RPL3L: variants seen among roughly 807,000 people sequenced by gnomAD.
The protein encoded by RPL3L is ribosomal protein L3 like.
In RPL3L, 44 loss-of-function variants were observed where a neutral mutation model predicts 44.5. The ratio of observed to expected loss-of-function variants is 0.99; its 90% confidence interval spans 0.78 to 1.27. The LOEUF is 1.27. Among genes scored for constraint, RPL3L ranks in the 50% most tolerant of loss-of-function variants. The pLI, the probability that RPL3L is intolerant of heterozygous loss-of-function variation, is 0.00. For missense variants in RPL3L, 631 were observed against 569.1 expected (o/e 1.11, Z -1.11); for synonymous variants, 292 against 230.7 (o/e 1.27, Z -2.41).
rs767547393 is a variant in RPL3L, at chr16:1,950,834, G to A, written c.501+10C>T. ...AGGGACTGACCGACAGCGGAGGGCC[G>A]GGGGCTGACCTGAGTGTGGACAATG... On this transcript the variant is annotated intron_variant, in intron 4 of 9. Coordinates refer to ENST00000268661, the MANE Select transcript of RPL3L (RefSeq NM_005061.3). The A allele has an allele frequency of 2.2e-5, 36 of 1,613,524 alleles. No individual in the cohort carries two copies. The highest frequency in any genetic ancestry group is 8.8e-5 in the South Asian group (8 of 91,034).
rs372589936 is a variant in RPL3L at position 1,947,298 on chromosome 16, G to A, written c.584C>T (p.Ala195Val). ...CTTCTCCAGCCGGGCCTGGGCCCAG[G>A]CCACCTTCTCGGCCACCGTGCCACC... ...LNGGTVAEKV[A>V]WAQARLEKQV... The change falls in exon 5 of 10, where the codon GCC (alanine) becomes GTC (valine). Residue 195 changes from alanine (A) to valine (V), a missense_variant. Transcript: ENST00000268661. 10 of 1,612,912 alleles carry A rather than the reference G, an allele frequency of 6.2e-6. No individual in the cohort carries two copies. In the South Asian group the frequency reaches 7.7e-5, roughly 12 times the overall value.
chr16:1,952,784 C>G (rs2083179128), intron 3 of RPL3L, 90 bp downstream of exon 3: 6 of 1,473,524 alleles, frequency 4.1e-6, no homozygotes, highest in Non-Finnish European at 5.6e-6. Context: ...CTCACCCACA[C>G]CTATCATTTC....
intron 9 of RPL3L, among the ~76,000 whole-genome samples, 167 bp downstream of exon 9, chr16:1,945,332 G>T (rs1473815279): frequency 3.5e-5 from 5 of 142,446 alleles, no homozygotes; most frequent in East Asian, 4.5e-4. Context: ...TCCAGCCTGG[G>T]TGACAGAGCG....
In RPL3L at chr16:1,945,481, TG is replaced by T. The variant is rs2150860562; in HGVS notation, c.1167+17del. The T allele has an allele frequency of 6.3e-7, 1 of 1,599,268 alleles. No individual in the cohort carries two copies. Among genetic ancestry groups the T allele is most frequent in the Non-Finnish European group, 8.5e-7 (1 of 1,172,382 alleles). Reference sequence around the variant, plus strand: ...CTGGAGCCCCAGAGAAGAACAAGGATGGGGGCGGTGAGCTCACCATGAAGGC... The same window carrying T: ...CTGGAGCCCCAGAGAAGAACAAGGATGGGGCGGTGAGCTCACCATGAAGGC... On this transcript the variant is annotated intron_variant, in intron 9 of 9. Transcript: ENST00000268661.
At chr16:1,951,195 C>A (rs1248576464) in intron 3 of RPL3L, among the ~76,000 whole-genome samples, 1 of 152,178 alleles carries the variant, frequency 6.6e-6, no homozygotes, top group Non-Finnish European at 1.5e-5. Flanking sequence ...AAAGTAGGTA[C>A]CCTCCCTGTT....
intron 9 of RPL3L, 103 bp from the exon 10 acceptor site, chr16:1,944,996 C>CA (rs1031892008): frequency 9.2e-6 from 13 of 1,419,494 alleles, no homozygotes; most frequent in African/African-American, 4.3e-5. Flanking sequence ...CTACTGCCCC[C>CA]CTAAGGCTGC....
rs767009859 is a variant in RPL3L, at chr16:1,945,930, C to T, written c.952G>A (p.Gly318Ser). Residue 318 changes from glycine (G) to serine (S), a missense_variant and splice_region_variant, in exon 8 of 10, where the codon GGT becomes AGT. Coordinates refer to ENST00000268661, the MANE Select transcript of RPL3L (RefSeq NM_005061.3). ...DVTAKSITPLGGFPHYGEVNN... is the reference protein window; with the variant it reads ...DVTAKSITPLSGFPHYGEVNN... ...ACTTCCCCGTAGTGGGGGAAGCCAC[C>T]CTGCAGAGGACACAGGTCAGAGGCC... 5.6e-6 allele frequency: 9 copies of T among 1,608,826 alleles called. No individual in the cohort carries two copies. Among genetic ancestry groups the T allele is most frequent in the Non-Finnish European group, 7.6e-6 (9 of 1,177,566 alleles).
At chr16:1,945,001 G>A in intron 9 of RPL3L, 108 bp from the exon 10 acceptor site, 2 of 1,370,466 alleles carry the variant, frequency 1.5e-6, no homozygotes, top group Non-Finnish European at 2.1e-6. Flanking sequence ...GCCCCCCTAA[G>A]GCTGCTTCCT....
rs2083101399 is a variant in RPL3L at position 1,944,033 on chromosome 16, T to A, written c.*804A>T. The A allele has an allele frequency of 6.6e-6, 1 of 152,152 alleles. No individual in the cohort carries two copies. The highest frequency in any genetic ancestry group is 1.5e-5 in the Non-Finnish European group (1 of 68,034). The allele number at this position is 152,152 out of a possible 1,614,324, so 9.4% of individuals were successfully genotyped here. A position where few individuals can be genotyped will look rare whatever the true frequency, so the allele number is the denominator to read the frequency against. On this transcript the variant is annotated 3_prime_UTR_variant, in exon 10 of 10. Transcript: ENST00000268661. ...GATGTTGGCCAGGCTGGTCTTGAACTCCCGACCTCAGGTGATCCGCCCATC... is the reference window on the plus strand; with the variant it reads ...GATGTTGGCCAGGCTGGTCTTGAACACCCGACCTCAGGTGATCCGCCCATC...
chr16:1,954,633 G>T lies in RPL3L; in HGVS notation c.-2C>A. ...CCTCACCCTGGTCCCACCAACCATG[G>T]TGGCCGATCCCTGAAGGTCAGGAAG... On this transcript the variant is annotated 5_prime_UTR_variant, in exon 1 of 10. Transcript: ENST00000268661. 1.9e-6 allele frequency: 3 copies of T among 1,550,382 alleles called. No homozygotes were observed. Among genetic ancestry groups the T allele is most frequent in the Non-Finnish European group, 2.6e-6 (3 of 1,149,148 alleles).
intron 4 of RPL3L, among the ~76,000 whole-genome samples, chr16:1,948,918 G>A (rs111510874): frequency 0.13 from 19,826 of 151,610 alleles, 1,797 homozygotes; most frequent in African/African-American, 0.26. Flanking sequence ...GTTTCACCGC[G>A]TTAGCTAGGA....
Position 1,944,787 on chromosome 16 carries a change from A to G in RPL3L, c.*50T>C, listed in dbSNP as rs2083107848. 2 of 1,612,296 alleles carry G rather than the reference A, an allele frequency of 1.2e-6. No individual in the cohort carries two copies. Among genetic ancestry groups the G allele is most frequent in the African/African-American group, 1.3e-5 (1 of 74,892 alleles). On this transcript the variant is annotated 3_prime_UTR_variant, in exon 10 of 10. Transcript: ENST00000268661. ...GAGTCGCCTCCGGCCTTTGTTAGAC[A>G]TTGGGGCAGACAGTGCGGTGCGCTT...
intron 4 of RPL3L, among the ~76,000 whole-genome samples, chr16:1,950,062 T>G (rs1252541989): frequency 1.2e-5 from 1 of 85,172 alleles, no homozygotes; most frequent in Non-Finnish European, 2.3e-5. Context: ...AGCAGGTATG[T>G]AGGGGGCAGG....
Position 1,954,130 on chromosome 16 carries a change from C to T in RPL3L, c.22G>A (p.Ala8Thr). 1.3e-6 allele frequency: 2 copies of T among 1,588,368 alleles called. No homozygotes were observed. The highest frequency in any genetic ancestry group is 1.7e-6 in the Non-Finnish European group (2 of 1,167,756). ...AAGCCCAGGTGTCCGTGCCGAGGGG[C>T]GGAAAACTTCCGGTGGGACTGGGGG... The part of the protein sequence containing the change: MSHRKFS[A>T]PRHGHLGFLP... Residue 8 changes from alanine to threonine, a missense_variant, in exon 2 of 10, where the codon GCC becomes ACC. Ala to Thr is a moderately conservative substitution (Grantham distance 58). Transcript: ENST00000268661.
At chr16:1,946,597 C>A in intron 7 of RPL3L, 28 bp downstream of exon 7, 1 of 1,603,122 alleles carries the variant, frequency 6.2e-7, no homozygotes, top group Non-Finnish European at 8.5e-7. Context: ...GTGTGATGGG[C>A]CTGGCAGTCG....
chr16:1,946,715 G>T lies in RPL3L; in HGVS notation c.861C>A (p.Ile287=). The part of the protein sequence containing the change: ...RTELNKKIFR[I]GRGPHMEDGK... ...CGTCCTCCATGTGCGGGCCCCTGCC[G>T]ATGCGGAAGATCTGCCAGAAGGGGG... Residue 287 remains isoleucine (I), a synonymous_variant, in exon 7 of 10, where the codon ATC becomes ATA. Transcript: ENST00000268661. 2.5e-6 allele frequency: 4 copies of T among 1,612,532 alleles called. No individual in the cohort carries two copies. The highest frequency in any genetic ancestry group is 3.4e-6 in the Non-Finnish European group (4 of 1,179,910).
chr16:1,945,569 T>G lies in RPL3L; in HGVS notation c.1097A>C (p.Lys366Thr). ...GAACTTGGAGGTGGTGTCAATGAACTTGAGCTCAATATTCTCCACGGCTTG... is the reference window on the plus strand; with the variant it reads ...GAACTTGGAGGTGGTGTCAATGAACGTGAGCTCAATATTCTCCACGGCTTG... ...SRQAVENIELKFIDTTSKFGH... is the reference protein window; with the variant it reads ...SRQAVENIELTFIDTTSKFGH... The change falls in exon 9 of 10, where the codon AAG becomes ACG. Residue 366 changes from lysine to threonine, a missense_variant. By Grantham distance (78) the Lys-to-Thr change is moderately conservative. Transcript: ENST00000268661. 1 of 1,613,806 alleles carries G rather than the reference T, an allele frequency of 6.2e-7. No individual in the cohort carries two copies.
In RPL3L at chr16:1,952,007, G is replaced by A. The variant is rs144606771; in HGVS notation, c.365+867C>T. On this transcript the variant is annotated intron_variant, in intron 3 of 9. Coordinates refer to ENST00000268661, the MANE Select transcript of RPL3L (RefSeq NM_005061.3). Reference sequence around the variant, plus strand: ...TCTGTCGCTCACACTGGAGTGCAGCGGCACAATCTCAGCTCACTACAATCT... The same window carrying A: ...TCTGTCGCTCACACTGGAGTGCAGCAGCACAATCTCAGCTCACTACAATCT... 9.1e-3 allele frequency among the ~76,000 whole-genome samples: 1,379 copies of A among 151,982 alleles called. 13 individuals carry two copies. Among genetic ancestry groups the A allele is most frequent in the Non-Finnish European group, 0.015 (1,034 of 67,956 alleles).
chr16:1,946,553 G>A (rs761423703), intron 7 of RPL3L, 72 bp downstream of exon 7: 73 of 1,505,432 alleles, frequency 4.8e-5, no homozygotes, highest in South Asian at 3.4e-4. Context: ...CAGGCCCCCC[G>A]GCCAGCCTGA....
Sources: gnomAD v4.1 joint callset for allele counts (sites outside exome capture counted in the v4.1 genomes callset) on GRCh38, gnomAD v4.1.1 for gene constraint, MANE v1.5 for transcripts, NCBI Gene and HGNC (gene_info 2026-07-23, HGNC 2026-07-21) for gene names.